PTPRK: variants seen among roughly 807,000 people sequenced by gnomAD.
PTPRK encodes protein tyrosine phosphatase receptor type K.
In PTPRK, 75 loss-of-function variants were observed where a neutral mutation model predicts 178.0. That is an observed-to-expected ratio of 0.42 (90% confidence interval 0.35 to 0.51). The LOEUF (loss-of-function observed/expected upper bound fraction) is 0.51, where lower values mean the gene tolerates loss of function less well. PTPRK is among the 20% of genes least tolerant of loss of function. The probability of loss-of-function intolerance (pLI) is 0.02; values close to 1 mark genes in which losing one functional copy is unlikely to be tolerated. For missense variants in PTPRK, 1,441 were observed against 1,797.8 expected (o/e 0.80, Z 3.59); for synonymous variants, 637 against 620.6 (o/e 1.03, Z -0.39).
intron 14 of PTPRK, 151 bp from the exon 15 acceptor site, chr6:128,005,395 T>C (rs1160390099): frequency 1.0e-5 from 6 of 598,928 alleles, no homozygotes; most frequent in Non-Finnish European, 1.6e-5. Flanking sequence ...GGAATTAAGT[T>C]TGACATTCAA....
In PTPRK at chr6:128,268,725, C is replaced by T. The variant is rs142223923; in HGVS notation, c.496-26123G>A. Among the ~76,000 whole-genome samples, 52 of 152,134 alleles carry T rather than the reference C, an allele frequency of 3.4e-4. No individual in the cohort carries two copies. The East Asian group carries it at 9.3e-3, about 27-fold the overall frequency. Reference sequence around the variant, plus strand: ...TACTGTACAGTCACCTGATCACCTACCTTTAAATCAGTCCTTTATCTGGAG... The same window carrying T: ...TACTGTACAGTCACCTGATCACCTATCTTTAAATCAGTCCTTTATCTGGAG... On this transcript the variant is annotated intron_variant, in intron 3 of 29. Transcript: ENST00000368226.
chr6:127,972,998 C>A (rs1291699883), intron 29 of PTPRK, 24 bp downstream of exon 29: 1 of 1,611,724 alleles, frequency 6.2e-7, no homozygotes, highest in Non-Finnish European at 8.5e-7. Context: ...AGATGCCTTC[C>A]AAATCTAAGA....
intron 3 of PTPRK, 194 bp downstream of exon 3, chr6:128,321,845 A>G: frequency 1.3e-6 from 1 of 759,360 alleles, no homozygotes; most frequent in Non-Finnish European, 2.3e-6. Context: ...AGGGTGGGGA[A>G]GAAAGAGGGG....
intron 7 of PTPRK, among the ~76,000 whole-genome samples, chr6:128,119,280 TA>T (rs1296248143): frequency 2.0e-5 from 3 of 151,864 alleles, no homozygotes; most frequent in African/African-American, 7.2e-5. Context: ...GTTTTTTTTT[TA>T]AATTTACATT....
At chr6:128,171,555 C>T (rs775938172) in intron 7 of PTPRK, among the ~76,000 whole-genome samples, 1 of 151,952 alleles carries the variant, frequency 6.6e-6, no homozygotes, top group Non-Finnish European at 1.5e-5. Flanking sequence ...ATACAATATT[C>T]CTCACTAAAA....
chr6:128,158,174 G>A (rs544048924), intron 7 of PTPRK, among the ~76,000 whole-genome samples: 1 of 151,866 alleles, frequency 6.6e-6, no homozygotes, highest in East Asian at 2.0e-4. Context: ...AAAACCAAAC[G>A]CTGCAAGTTC....
chr6:128,211,131 A>G (rs1302689918), intron 6 of PTPRK, among the ~76,000 whole-genome samples: 1 of 152,150 alleles, frequency 6.6e-6, no homozygotes, highest in African/African-American at 2.4e-5. Flanking sequence ...AATTTCTCTA[A>G]AAACAAGTAT....
chr6:128,228,490 CA>C (rs1173094515), intron 5 of PTPRK, among the ~76,000 whole-genome samples: 2,639 of 74,992 alleles, frequency 0.035, 20 homozygotes, highest in Middle Eastern at 0.097. Context: ...ACTAAAAATA[CA>C]AAAAAAAAAA....
chr6:128,282,290 T>C (rs1421858853), intron 3 of PTPRK, among the ~76,000 whole-genome samples: 3 of 152,220 alleles, frequency 2.0e-5, no homozygotes, highest in Admixed American at 6.5e-5. Context: ...ATTATCAGTA[T>C]ATAAACATAA....
At chr6:128,313,288 T>C (rs1827510396) in intron 3 of PTPRK, among the ~76,000 whole-genome samples, 2 of 152,190 alleles carry the variant, frequency 1.3e-5, no homozygotes, top group South Asian at 2.1e-4. Context: ...ATTTGTACAA[T>C]TGCTTTCTGA....
intron 3 of PTPRK, among the ~76,000 whole-genome samples, chr6:128,244,699 G>A (rs1347171495): frequency 6.6e-6 from 1 of 152,146 alleles, no homozygotes; most frequent in Non-Finnish European, 1.5e-5. Flanking sequence ...TGCCAATTCT[G>A]AGATCAGGCT....
intron 2 of PTPRK, among the ~76,000 whole-genome samples, chr6:128,376,825 T>C (rs1837154436): frequency 6.6e-6 from 1 of 152,052 alleles, no homozygotes; most frequent in African/African-American, 2.4e-5. Flanking sequence ...CTTCCACAAA[T>C]CTCTAGGGCA....
intron 6 of PTPRK, among the ~76,000 whole-genome samples, chr6:128,214,431 T>C (rs890223656): frequency 6.6e-6 from 1 of 152,142 alleles, no homozygotes; most frequent in Non-Finnish European, 1.5e-5. Flanking sequence ...AGTTACTATC[T>C]TATCTGAATA....
chr6:127,989,284 A>G (rs924130102), intron 21 of PTPRK, among the ~76,000 whole-genome samples: 2 of 152,090 alleles, frequency 1.3e-5, no homozygotes, highest in African/African-American at 4.8e-5. Flanking sequence ...GAAATCTCCC[A>G]TATCAATTGC....
intron 5 of PTPRK, among the ~76,000 whole-genome samples, chr6:128,232,850 T>C (rs2128279817): frequency 6.6e-6 from 1 of 152,320 alleles, no homozygotes; most frequent in Non-Finnish European, 1.5e-5. Context: ...TGTCAGAACT[T>C]TGACCACGTC....
chr6:128,376,223 C>A (rs1837053054), intron 2 of PTPRK, among the ~76,000 whole-genome samples: 1 of 152,196 alleles, frequency 6.6e-6, no homozygotes, highest in Admixed American at 6.5e-5. Flanking sequence ...GAGGGCCCCA[C>A]CCCTTCAGCA....
At chr6:128,144,301 T>A (rs1796177020) in intron 7 of PTPRK, among the ~76,000 whole-genome samples, 1 of 152,232 alleles carries the variant, frequency 6.6e-6, no homozygotes, top group South Asian at 2.1e-4. Flanking sequence ...GCAACTCATA[T>A]CAATTGCCAG....
At chr6:128,291,311 T>C (rs1347102733) in intron 3 of PTPRK, among the ~76,000 whole-genome samples, 2 of 152,226 alleles carry the variant, frequency 1.3e-5, no homozygotes, top group East Asian at 1.9e-4. Flanking sequence ...GCCAAGATTC[T>C]TTCCTGGAGC....
intron 4 of PTPRK, chr6:128,241,361 A>T (rs1405682788): frequency 4.6e-5 from 24 of 524,568 alleles, no homozygotes; most frequent in Non-Finnish European, 9.4e-5. Flanking sequence ...CCCACCCCAG[A>T]CCTATTCAAT....
Sources: gnomAD v4.1 joint callset for allele counts (sites outside exome capture counted in the v4.1 genomes callset) on GRCh38, gnomAD v4.1.1 for gene constraint, MANE v1.5 for transcripts, NCBI Gene and HGNC (gene_info 2026-07-23, HGNC 2026-07-21) for gene names.